Variants in AKT1S1 observed in about 807,000 individuals in gnomAD.
AKT1S1 encodes proline-rich AKT1 substrate 1.
AKT1S1 carries 17 observed loss-of-function variants against 21.2 expected under a neutral mutation model. That is an observed-to-expected ratio of 0.80 (90% CI 0.55 to 1.20). The LOEUF (loss-of-function observed/expected upper bound fraction) is 1.20. Ranked by LOEUF, AKT1S1 falls within the 50% of genes most tolerant of loss-of-function variation. The pLI is 0.00. For missense variants in AKT1S1, 366 were observed against 368.3 expected (o/e 0.99, Z 0.05); for synonymous variants, 181 against 165.6 (o/e 1.09, Z -0.72).
rs762134795 is a variant in AKT1S1 at position 49,873,058 on chromosome 19, G to A, written c.238C>T (p.Pro80Ser). ...RAATAARPPAPPPAPQPPSPT... is the reference protein window; with the variant it reads ...RAATAARPPASPPAPQPPSPT... ...CTGGGTGGCTGTGGTGCTGGTGGGG[G>A]CGCAGGAGGCCGAGCAGCAGTGGCA... Residue 80 changes from proline (P) to serine (S), a missense_variant, in exon 2 of 5, where the codon CCC becomes TCC. Pro to Ser is a moderately conservative substitution (Grantham distance 74, BLOSUM62 -1). Transcript: ENST00000344175. The surrounding 1 kb of genome is among the most constrained non-coding windows in gnomAD (Gnocchi z 6.9). 2.6e-6 allele frequency: 4 copies of A among 1,556,614 alleles called. No individual in the cohort carries two copies. Among genetic ancestry groups the A allele is most frequent in the Non-Finnish European group, 8.7e-7 (1 of 1,151,682 alleles).
At position 49,873,711 on chromosome 19, in the gene AKT1S1, G is replaced by A. The variant is rs1463150820; in HGVS notation, c.-7-409C>T. 3 of 170,434 alleles carry A rather than the reference G, an allele frequency of 1.8e-5. No homozygotes were observed. Among genetic ancestry groups the A allele is most frequent in the Non-Finnish European group, 3.7e-5 (3 of 80,856 alleles). The allele number at this position is 170,434 out of a possible 1,614,324, so 10.6% of individuals were successfully genotyped here. ...GACTGAGTACAATAAAGCCGAACGA[G>A]CCGGGCGTGGTGGCTCAGGCCTGCA... On this transcript the variant is annotated intron_variant, in intron 1 of 4. Transcript: ENST00000344175. This position sits in a 1 kb window ranked among gnomAD's most constrained non-coding sequence, Gnocchi z 6.9.
chr19:49,877,772 T>C (rs762647268), upstream of AKT1S1: 4 of 1,580,260 alleles, frequency 2.5e-6, no homozygotes, highest in Admixed American at 5.6e-5. Context: ...ATTCCCTCGC[T>C]TCAGTGTATG....
upstream of AKT1S1, chr19:49,877,518 C>T (rs1176399712): frequency 5.4e-6 from 3 of 560,110 alleles, no homozygotes; most frequent in Non-Finnish European, 9.5e-6. Flanking sequence ...GATCCACCTT[C>T]AGCGTCTGCG....
upstream of AKT1S1, chr19:49,877,974 C>A (rs971926456): frequency 1.4e-6 from 1 of 717,122 alleles, no homozygotes. Context: ...GTGGAACGCA[C>A]GTCAGCATCC....
Position 49,871,680 on chromosome 19 carries a change from G to C in AKT1S1, c.494C>G (p.Pro165Arg), listed in dbSNP as rs1407162373. Residue 165 changes from proline (P) to arginine (R), a missense_variant, in exon 4 of 5, where the codon CCC (proline) becomes CGC (arginine). Physicochemically the swap from Pro to Arg is moderately radical, Grantham distance 103. Transcript: ENST00000344175. Reference protein sequence around the residue: ...SLSEETPAGPPTCSVPPASAL... With the variant: ...SLSEETPAGPRTCSVPPASAL... ...TGAGGCTGGGGGCACTGAGCAGGTG[G>C]GGGGGCCGGCGGGGGTCTCCTCGCT... 4 of 1,613,464 alleles carry C rather than the reference G, an allele frequency of 2.5e-6. No individual in the cohort carries two copies. The highest frequency in any genetic ancestry group is 2.2e-5 in the East Asian group (1 of 44,876).
chr19:49,876,312 G>A (rs1007726826), intron 1 of AKT1S1: 24 of 1,204,148 alleles, frequency 2.0e-5, no homozygotes, highest in Non-Finnish European at 2.4e-5. Context: ...GCGCCCCGAG[G>A]CCCCCCAAAC....
At chr19:49,875,416 G>A (rs967611381) in intron 1 of AKT1S1, 2 of 151,338 alleles carry the variant, frequency 1.3e-5, no homozygotes, top group Non-Finnish European at 2.9e-5. Context: ...CAGCTACACA[G>A]GGCACAAGTG....
At position 49,876,387 on chromosome 19, in the gene AKT1S1, A is replaced by G; in HGVS notation, c.-8+850T>C. On this transcript the variant is annotated intron_variant, in intron 1 of 4. Coordinates refer to ENST00000344175, the MANE Select transcript of AKT1S1 (RefSeq NM_001098633.4). ...GAGATCCCAGGCGCTCTGGAACCGC[A>G]AGGTGAGACTGTCTACGATTTGCCT... 2.7e-6 allele frequency: 3 copies of G among 1,128,902 alleles called. No individual in the cohort carries two copies. In the East Asian group the frequency reaches 9.8e-5, roughly 37 times the overall value. The allele number at this position is 1,128,902 out of a possible 1,614,324, so 69.9% of individuals were successfully genotyped here.
rs1319567775 is a variant in AKT1S1, at chr19:49,872,935, C to G, written c.361G>C (p.Gly121Arg). The change falls in exon 2 of 5, where the codon GGC (glycine) becomes CGC (arginine). Residue 121 changes from glycine (G) to arginine (R), a missense_variant. Transcript: ENST00000344175. ...TETETSGEQL[G>R]ISDNGGLFVM... ...CTCTCACCTCCATTATCACTAATGCCCAGCTGCTCCCCGGAGGTCTCTGTC... is the reference window on the plus strand; with the variant it reads ...CTCTCACCTCCATTATCACTAATGCGCAGCTGCTCCCCGGAGGTCTCTGTC... 6.2e-7 allele frequency: 1 copy of G among 1,601,952 alleles called. No homozygotes were observed. Among genetic ancestry groups the G allele is most frequent in the African/African-American group, 1.3e-5 (1 of 74,830 alleles).
Position 49,873,139 on chromosome 19 carries a change from C to T in AKT1S1, c.157G>A (p.Ala53Thr), listed in dbSNP as rs1234612818. Residue 53 changes from alanine (A) to threonine (T), a missense_variant, in exon 2 of 5, where the codon GCC becomes ACC. Coordinates refer to ENST00000344175, the MANE Select transcript of AKT1S1 (RefSeq NM_001098633.4). This position sits in a 1 kb window ranked among gnomAD's most constrained non-coding sequence, Gnocchi z 6.9. ...PCAYAAHGRG[A>T]LAEAARRCLH... ...CAACGGCGCGCTGCCTCCGCCAGGG[C>T]TCCTCGACCATGGGCAGCATAGGCA... 3 of 1,539,790 alleles carry T rather than the reference C, an allele frequency of 1.9e-6. No individual in the cohort carries two copies. The highest frequency in any genetic ancestry group is 3.9e-5 in the Admixed American group (2 of 51,230).
chr19:49,876,965 C>T, intron 1 of AKT1S1: 7 of 353,536 alleles, frequency 2.0e-5, no homozygotes. Context: ...TCGTTAACAA[C>T]ATGGCAGCCA....
chr19:49,875,784 C>G (rs1385270843), intron 1 of AKT1S1: 1 of 933,354 alleles, frequency 1.1e-6, no homozygotes, highest in Non-Finnish European at 1.3e-6. Context: ...AAGGACAGGG[C>G]GACTTCCACA....
At position 49,872,322 on chromosome 19, in the gene AKT1S1, C is replaced by G. The variant is rs541176585; in HGVS notation, c.380-433G>C. Among the ~76,000 whole-genome samples, 20 of 152,322 alleles carry G rather than the reference C, an allele frequency of 1.3e-4. No homozygotes were observed. In the East Asian group the frequency reaches 3.7e-3, roughly 28 times the overall value. ...CAGGATGCCTGCCCTTCACCCTACA[C>G]GGGTTTTCTCCAGCAATGGTGAGGA... On this transcript the variant is annotated intron_variant, in intron 2 of 4. Transcript: ENST00000344175.
chr19:49,876,708 T>A lies in AKT1S1; in HGVS notation c.-8+529A>T. 2.1e-6 allele frequency: 3 copies of A among 1,417,282 alleles called. No individual in the cohort carries two copies. The South Asian group carries it at 4.4e-5, about 21-fold the overall frequency. The allele number at this position is 1,417,282 out of a possible 1,614,324, so 87.8% of individuals were successfully genotyped here. ...GTTGCCCCGCCTCCTCTCCGCACAC[T>A]CCGCCTCCCTTATCGGGGCCGCCCG... On this transcript the variant is annotated intron_variant, in intron 1 of 4. Transcript: ENST00000344175.
chr19:49,872,865 T>C, intron 2 of AKT1S1, 52 bp downstream of exon 2: 1 of 1,555,000 alleles, frequency 6.4e-7, no homozygotes, highest in South Asian at 1.2e-5. Context: ...CAAAGCCTCC[T>C]GCGGGCACCT....
intron 3 of AKT1S1, 44 bp downstream of exon 3, chr19:49,871,768 G>T: frequency 6.2e-7 from 1 of 1,611,232 alleles, no homozygotes; most frequent in South Asian, 1.1e-5. Context: ...TGTCGGCCGT[G>T]TGCCTGCCCT....
chr19:49,873,542 G>T lies in AKT1S1; in HGVS notation c.-7-240C>A, dbSNP rs2122381414. ...CCCATTCCTCCTGCCCCAAGTCACT[G>T]TACTCCTTCCCCTTTGGCCCTGCCC... is the stretch of plus-strand genomic sequence containing the variant. On this transcript the variant is annotated intron_variant, in intron 1 of 4. Transcript: ENST00000344175. This position sits in a 1 kb window ranked among gnomAD's most constrained non-coding sequence, Gnocchi z 6.9. 1.5e-6 allele frequency: 1 copy of T among 689,566 alleles called. No individual in the cohort carries two copies. Among genetic ancestry groups the T allele is most frequent in the Non-Finnish European group, 2.1e-6 (1 of 466,080 alleles). The allele number at this position is 689,566 out of a possible 1,614,324, so 42.7% of individuals were successfully genotyped here. A position where few individuals can be genotyped will look rare whatever the true frequency, so the allele number is the denominator to read the frequency against.
Position 49,871,712 on chromosome 19 carries a change from G to A in AKT1S1, c.462C>T (p.Gly154=). The part of the protein sequence containing the change: ...CESDPESTDD[G]SLSEETPAGP... ...CGGCGGGGGTCTCCTCGCTCAGGCT[G>A]CCATCTGAAAGAGAGGGTGGACTTC... Residue 154 remains glycine (G), a synonymous_variant, in exon 4 of 5, where the codon GGC becomes GGT. Transcript: ENST00000344175. 4 of 1,612,702 alleles carry A rather than the reference G, an allele frequency of 2.5e-6. No homozygotes were observed. The highest frequency in any genetic ancestry group is 3.4e-6 in the Non-Finnish European group (4 of 1,179,280).
upstream of AKT1S1, chr19:49,877,620 C>A: frequency 1.5e-6 from 2 of 1,341,678 alleles, no homozygotes; most frequent in South Asian, 1.3e-5. Context: ...ACGGGTCGGG[C>A]CGCTACCACT....
Sources: allele counts gnomAD v4.1 joint callset (sites outside exome capture counted in the v4.1 genomes callset), GRCh38; gene constraint gnomAD v4.1.1; non-coding constraint Gnocchi (gnomAD v3.1); transcripts MANE v1.5; gene names NCBI Gene and HGNC (gene_info 2026-07-23, HGNC 2026-07-21).